TMEM117: variants seen among roughly 807,000 people sequenced by gnomAD.
TMEM117 encodes the protein transmembrane protein 117.
Under a neutral mutation model 52.4 loss-of-function variants are expected in TMEM117, and 27 were observed. The observed-to-expected ratio is 0.51, with a 90% confidence interval of 0.38 to 0.71. The LOEUF (loss-of-function observed/expected upper bound fraction) is 0.71. Among genes scored for constraint, TMEM117 ranks in the 30% least tolerant of loss-of-function variants. TMEM117 has a pLI of 0.00. For missense variants in TMEM117, 556 were observed against 630.5 expected (o/e 0.88, Z 1.26); for synonymous variants, 215 against 206.3 (o/e 1.04, Z -0.36).
chr12:43,963,743 A>G (rs1945441519), intron 3 of TMEM117, among the ~76,000 whole-genome samples: 1 of 152,230 alleles, frequency 6.6e-6, no homozygotes, highest in Non-Finnish European at 1.5e-5. Context: ...CAAGTCATTA[A>G]GATTGTCATT....
chr12:43,987,678 T>G (rs1295809891), intron 3 of TMEM117, among the ~76,000 whole-genome samples: 1 of 152,134 alleles, frequency 6.6e-6, no homozygotes, highest in Non-Finnish European at 1.5e-5. Context: ...TAGAACTTTT[T>G]CATGTGCTTG....
chr12:44,175,676 T>G (rs963070367), intron 4 of TMEM117, among the ~76,000 whole-genome samples: 1 of 152,226 alleles, frequency 6.6e-6, no homozygotes, highest in East Asian at 1.9e-4. Flanking sequence ...CATTTAGTTA[T>G]TTATTTATGT....
At chr12:44,341,466 A>G (rs1191807109) in intron 6 of TMEM117, among the ~76,000 whole-genome samples, 1 of 152,150 alleles carries the variant, frequency 6.6e-6, no homozygotes, top group Non-Finnish European at 1.5e-5. Context: ...CTATGGCTGA[A>G]TAGTATTCCA....
At chr12:43,899,817 G>A (rs4354753) in intron 2 of TMEM117, among the ~76,000 whole-genome samples, 119,072 of 152,106 alleles carry the variant, frequency 0.78, 49,095 homozygotes, top group Non-Finnish European at 0.9. Flanking sequence ...TTAGAAAGAA[G>A]ATGAGCTTTG....
rs190836116 is a variant in TMEM117 at position 44,093,410 on chromosome 12, G to A, written c.411-50115G>A. Among the ~76,000 whole-genome samples the A allele has an allele frequency of 2.4e-4, 36 of 151,980 alleles. No homozygotes were observed. The East Asian group carries it at 5.0e-3, about 21-fold the overall frequency. ...CTGAAATGTTTTTAACCTGTTTTGC[G>A]TATATAATTTCATTCAGTTCTCACA... On this transcript the variant is annotated intron_variant, in intron 3 of 7. Transcript: ENST00000266534.
chr12:44,203,548 T>C (rs1332358953), intron 4 of TMEM117, among the ~76,000 whole-genome samples: 1 of 152,174 alleles, frequency 6.6e-6, no homozygotes, highest in African/African-American at 2.4e-5. Context: ...GATGTTAGGT[T>C]GTTAATCTGA....
chr12:44,054,701 AT>A lies in TMEM117; in HGVS notation c.411-88815del, dbSNP rs576887343. 5.2e-4 allele frequency among the ~76,000 whole-genome samples: 68 copies of A among 130,380 alleles called. 1 individual carries two copies. In the East Asian group the frequency reaches 7.7e-3, roughly 15 times the overall value. 85.5% of individuals were successfully genotyped at this position (130,380 alleles called of 152,430 possible). On this transcript the variant is annotated intron_variant, in intron 3 of 7. Transcript: ENST00000266534. Reference sequence around the variant, plus strand: ...TTTCCTTATGGATACCAATAGGATTATTTTTTTTTCAATTTTTTTTTTCTTC... The same window carrying A: ...TTTCCTTATGGATACCAATAGGATTATTTTTTTTCAATTTTTTTTTTCTTC...
chr12:44,308,502 G>C (rs1462401985), intron 6 of TMEM117, among the ~76,000 whole-genome samples: 1 of 152,126 alleles, frequency 6.6e-6, no homozygotes, highest in Non-Finnish European at 1.5e-5. Flanking sequence ...ATTCAGCCAT[G>C]CTATTGGCAC....
chr12:44,101,227 G>A (rs1424866887), intron 3 of TMEM117, among the ~76,000 whole-genome samples: 2 of 149,992 alleles, frequency 1.3e-5, no homozygotes, highest in South Asian at 2.1e-4. Context: ...TTGAACATAC[G>A]CTTAATACAT....
intron 3 of TMEM117, among the ~76,000 whole-genome samples, chr12:44,015,739 G>A (rs1456565064): frequency 6.6e-6 from 1 of 152,090 alleles, no homozygotes; most frequent in Non-Finnish European, 1.5e-5. Context: ...TTCCCAAGTT[G>A]ACCTCTAATA....
At chr12:44,274,466 A>G (rs1950487268) in intron 5 of TMEM117, among the ~76,000 whole-genome samples, 1 of 152,096 alleles carries the variant, frequency 6.6e-6, no homozygotes, top group Non-Finnish European at 1.5e-5. Context: ...CTAAAAATAT[A>G]TGTAACAACA....
In TMEM117 at chr12:44,218,516, A is replaced by G. The variant is rs147793057; in HGVS notation, c.608+7129A>G. Among the ~76,000 whole-genome samples, 1,249 of 152,304 alleles carry G rather than the reference A, an allele frequency of 8.2e-3. 13 individuals are homozygous for G. Among genetic ancestry groups the G allele is most frequent in the African/African-American group, 0.029 (1,190 of 41,560 alleles). ...GATAAAGGTCATACATGAAAAGCCC[A>G]CAGCTAACATCATACTCAGTGGTAA... is the stretch of plus-strand genomic sequence containing the variant. On this transcript the variant is annotated intron_variant, in intron 5 of 7. Coordinates refer to ENST00000266534, the MANE Select transcript of TMEM117 (RefSeq NM_032256.3).
chr12:44,163,186 C>A (rs1351310766), intron 4 of TMEM117, among the ~76,000 whole-genome samples: 1 of 152,136 alleles, frequency 6.6e-6, no homozygotes, highest in East Asian at 1.9e-4. Context: ...ACAGGTATTT[C>A]TAGGCACGAG....
chr12:44,091,048 G>A (rs1173283687), intron 3 of TMEM117, among the ~76,000 whole-genome samples: 4 of 151,942 alleles, frequency 2.6e-5, no homozygotes, highest in African/African-American at 7.3e-5. Flanking sequence ...TGCTGATAAC[G>A]AAAAGAGATT....
chr12:43,865,207 T>C (rs1318116802), intron 2 of TMEM117, among the ~76,000 whole-genome samples: 1 of 152,126 alleles, frequency 6.6e-6, no homozygotes, highest in Non-Finnish European at 1.5e-5. Context: ...TGGGAAGGGT[T>C]GAACAGAGAT....
chr12:44,003,136 C>T (rs1379511471), intron 3 of TMEM117, among the ~76,000 whole-genome samples: 1 of 149,218 alleles, frequency 6.7e-6, no homozygotes, highest in Non-Finnish European at 1.5e-5. Context: ...CTGGCCCCCT[C>T]CTCCTCTACT....
intron 3 of TMEM117, among the ~76,000 whole-genome samples, chr12:43,969,401 T>C (rs560048879): frequency 6.9e-6 from 1 of 143,924 alleles, no homozygotes; most frequent in African/African-American, 2.6e-5. Context: ...CGGGTGCCTG[T>C]AATCCCAGCT....
At chr12:43,891,962 C>G (rs1944114151) in intron 2 of TMEM117, among the ~76,000 whole-genome samples, 4 of 152,120 alleles carry the variant, frequency 2.6e-5, no homozygotes, top group Admixed American at 2.6e-4. Context: ...CAATATCTCT[C>G]TCTTGGACCA....
intron 2 of TMEM117, among the ~76,000 whole-genome samples, chr12:43,864,319 G>A (rs542595353): frequency 3.3e-5 from 5 of 152,330 alleles, no homozygotes; most frequent in African/African-American, 1.2e-4. Flanking sequence ...AGCTCTATCT[G>A]CAGCCCCAGT....
Sources: allele counts gnomAD v4.1 joint callset (sites outside exome capture counted in the v4.1 genomes callset), GRCh38; gene constraint gnomAD v4.1.1; transcripts MANE v1.5; gene names NCBI Gene and HGNC (gene_info 2026-07-23, HGNC 2026-07-21).